Variants in TBXAS1 observed in about 807,000 individuals in gnomAD.
TBXAS1 encodes the protein thromboxane-A synthase.
TBXAS1 carries 48 observed loss-of-function variants against 60.7 expected under a neutral mutation model. The ratio of observed to expected loss-of-function variants is 0.79; its 90% CI spans 0.63 to 1.01. The LOEUF (loss-of-function observed/expected upper bound fraction) is 1.01. TBXAS1 is among the 50% of genes least tolerant of loss of function. TBXAS1 has a pLI of 0.00. For synonymous variants in TBXAS1, 287 were observed against 269.7 expected, an observed-to-expected ratio of 1.06 and a Z score of -0.63; for missense variants, 685 against 686.3, an observed-to-expected ratio of 1.00 and a Z score of 0.02.
chr7:139,957,804 G>A (rs1420164068), intron 8 of TBXAS1, 40 bp downstream of exon 8: 1 of 1,613,154 alleles, frequency 6.2e-7, no homozygotes, highest in Non-Finnish European at 8.5e-7. Context: ...AAATGGAATG[G>A]AGCCGACTTT....
intron 9 of TBXAS1, among the ~76,000 whole-genome samples, chr7:140,006,037 T>G (rs922275710): frequency 1.3e-5 from 2 of 152,202 alleles, no homozygotes; most frequent in Admixed American, 6.5e-5. Flanking sequence ...GAACTAGGCC[T>G]CCCAGCGCCT....
At chr7:139,953,241 G>A in intron 5 of TBXAS1, 127 bp from the exon 6 acceptor site, 2 of 794,696 alleles carry the variant, frequency 2.5e-6, no homozygotes, top group East Asian at 2.5e-5. Flanking sequence ...TCTTAGCTGT[G>A]TGAAAAATAT....
intron 9 of TBXAS1, among the ~76,000 whole-genome samples, chr7:139,983,049 C>T (rs954418411): frequency 3.3e-5 from 5 of 152,194 alleles, no homozygotes; most frequent in African/African-American, 1.2e-4. Context: ...TACTTGTATA[C>T]TATTTCCTTA....
chr7:139,913,114 T>C (rs1805667781), intron 4 of TBXAS1: 1 of 702,810 alleles, frequency 1.4e-6, no homozygotes, highest in Non-Finnish European at 2.6e-6. Flanking sequence ...TCTAGAGGGA[T>C]GTGGCCTGGA....
intron 4 of TBXAS1, among the ~76,000 whole-genome samples, chr7:139,811,711 C>T (rs2116401846): frequency 6.6e-6 from 1 of 152,246 alleles, no homozygotes; most frequent in East Asian, 1.9e-4. Flanking sequence ...TAGAAAATGA[C>T]CTTTGGTGAG....
At chr7:139,915,949 A>G (rs948728035) in intron 4 of TBXAS1, among the ~76,000 whole-genome samples, 1 of 152,078 alleles carries the variant, frequency 6.6e-6, no homozygotes, top group South Asian at 2.1e-4. Flanking sequence ...GTCTCTATCA[A>G]TGTCCTCAGT....
intron 4 of TBXAS1, among the ~76,000 whole-genome samples, chr7:139,921,979 CT>C (rs928886952): frequency 6.6e-6 from 1 of 152,124 alleles, no homozygotes; most frequent in Non-Finnish European, 1.5e-5. Context: ...TTAGCCAGCA[CT>C]TTCATCTTGC....
chr7:139,823,908 T>C (rs1265779171), intron 4 of TBXAS1, among the ~76,000 whole-genome samples: 1 of 152,234 alleles, frequency 6.6e-6, no homozygotes, highest in Non-Finnish European at 1.5e-5. Context: ...GGAAGCTCCA[T>C]TGTCCCTTTA....
chr7:139,930,413 C>T (rs1807223146), intron 4 of TBXAS1, among the ~76,000 whole-genome samples: 1 of 152,014 alleles, frequency 6.6e-6, no homozygotes, highest in Admixed American at 6.5e-5. Context: ...TCACAACTAT[C>T]CTAAGAGGTC....
At chr7:139,919,567 T>C (rs1372580528) in intron 4 of TBXAS1, among the ~76,000 whole-genome samples, 1 of 152,250 alleles carries the variant, frequency 6.6e-6, no homozygotes, top group African/African-American at 2.4e-5. Context: ...TTTGTGGCTA[T>C]AGCTTCATAT....
At position 139,928,217 on chromosome 7, in the gene TBXAS1, A is replaced by G. The variant is rs79054010; in HGVS notation, c.334-7974A>G. On this transcript the variant is annotated intron_variant, in intron 4 of 12. Coordinates refer to ENST00000448866, the MANE Select transcript of TBXAS1 (RefSeq NM_001061.7). ...TATGAATGGGTGTCAGTTTTTATCA[A>G]TTTTCTTCTGCATCTCTTGAGATTG... is the stretch of plus-strand genomic sequence containing the variant. Among the ~76,000 whole-genome samples the G allele has an allele frequency of 4.5e-4, 68 of 152,194 alleles. No homozygotes were observed. In the East Asian group the frequency reaches 0.012, roughly 28 times the overall value.
At chr7:139,824,000 C>A (rs192543422) in intron 4 of TBXAS1, among the ~76,000 whole-genome samples, 18 of 152,328 alleles carry the variant, frequency 1.2e-4, no homozygotes, top group African/African-American at 3.4e-4. Flanking sequence ...CAGTCCTTGC[C>A]AGAGACGTCA....
chr7:139,786,597 T>C (rs986404708), intron 3 of TBXAS1, among the ~76,000 whole-genome samples: 1 of 152,210 alleles, frequency 6.6e-6, no homozygotes, highest in East Asian at 1.9e-4. Flanking sequence ...TCACTCTATG[T>C]GGAAGACACA....
At chr7:139,929,731 C>T (rs531421702) in intron 4 of TBXAS1, among the ~76,000 whole-genome samples, 79 of 152,288 alleles carry the variant, frequency 5.2e-4, no homozygotes, top group Middle Eastern at 6.8e-3. Context: ...TCCAATCCAT[C>T]AGGAAATCCT....
intron 4 of TBXAS1, among the ~76,000 whole-genome samples, chr7:139,919,930 A>G (rs908344848): frequency 5.9e-5 from 9 of 152,178 alleles, no homozygotes; most frequent in African/African-American, 2.2e-4. Flanking sequence ...CCCACCCTCC[A>G]TTCTTTGTCT....
intron 6 of TBXAS1, among the ~76,000 whole-genome samples, chr7:139,955,130 T>G (rs1809735699): frequency 6.6e-6 from 1 of 152,160 alleles, no homozygotes; most frequent in African/African-American, 2.4e-5. Flanking sequence ...TAAAGTGTCC[T>G]TCTTAGTACC....
intron 10 of TBXAS1, among the ~76,000 whole-genome samples, chr7:140,012,604 G>A (rs190453452): frequency 5.3e-5 from 8 of 152,122 alleles, no homozygotes; most frequent in Non-Finnish European, 8.8e-5. Flanking sequence ...GACTACAGGC[G>A]CACGACACCA....
At chr7:139,815,699 C>T (rs760771918) in intron 4 of TBXAS1, among the ~76,000 whole-genome samples, 2 of 152,130 alleles carry the variant, frequency 1.3e-5, no homozygotes, top group Non-Finnish European at 2.9e-5. Flanking sequence ...ACATTGACTC[C>T]AAATAGTTGG....
intron 8 of TBXAS1, among the ~76,000 whole-genome samples, chr7:139,961,026 C>T (rs946437322): frequency 1.2e-4 from 19 of 152,134 alleles, no homozygotes; most frequent in Non-Finnish European, 1.0e-4. Context: ...TAGAAACACT[C>T]CTATTGTTAC....
Sources: gnomAD v4.1 joint callset for allele counts (sites outside exome capture counted in the v4.1 genomes callset) on GRCh38, gnomAD v4.1.1 for gene constraint, MANE v1.5 for transcripts, NCBI Gene and HGNC (gene_info 2026-07-23, HGNC 2026-07-21) for gene names.